Variants in DACH1 observed in about 807,000 individuals in gnomAD.
DACH1 encodes the protein dachshund homolog 1.
Under a neutral mutation model 54.2 loss-of-function variants are expected in DACH1, and 12 were observed. The ratio of observed to expected loss-of-function variants is 0.22; its 90% CI spans 0.14 to 0.36. DACH1 has a LOEUF of 0.36. Ranked by LOEUF, DACH1 falls within the 10% of genes least tolerant of loss-of-function variation. The probability of loss-of-function intolerance (pLI) is 1.00; values close to 1 mark genes in which losing one functional copy is unlikely to be tolerated. For synonymous variants in DACH1, 386 were observed against 366.2 expected (o/e 1.05, Z -0.62); for missense variants, 805 against 929.8 (o/e 0.87, Z 1.75).
intron 10 of DACH1, among the ~76,000 whole-genome samples, chr13:71,462,342 T>TTA (rs1876149225): frequency 6.6e-6 from 1 of 151,936 alleles, no homozygotes; most frequent in South Asian, 2.1e-4. Flanking sequence ...AGATAAATAA[T>TTA]TATATATAAT....
intron 2 of DACH1, among the ~76,000 whole-genome samples, chr13:71,648,161 T>C (rs978393975): frequency 6.6e-6 from 1 of 152,198 alleles, no homozygotes; most frequent in African/African-American, 2.4e-5. Context: ...TTCATTTAAT[T>C]ACTATACAAT....
intron 6 of DACH1, among the ~76,000 whole-genome samples, chr13:71,545,066 G>A (rs1883369951): frequency 6.6e-6 from 1 of 152,046 alleles, no homozygotes; most frequent in Non-Finnish European, 1.5e-5. Context: ...CACGTATACA[G>A]TGCTCCATAC....
At chr13:71,745,264 CA>C (rs1473352233) in intron 1 of DACH1, among the ~76,000 whole-genome samples, 1 of 152,140 alleles carries the variant, frequency 6.6e-6, no homozygotes, top group African/African-American at 2.4e-5. Context: ...AGTTCTACTA[CA>C]GGTTCATTAT....
chr13:71,443,605 C>A (rs1241728902), intron 10 of DACH1, among the ~76,000 whole-genome samples: 1 of 152,196 alleles, frequency 6.6e-6, no homozygotes, highest in African/African-American at 2.4e-5. Context: ...TAAGATTAAT[C>A]AGTGAAAACA....
At chr13:71,622,000 T>A (rs948075126) in intron 3 of DACH1, among the ~76,000 whole-genome samples, 9 of 152,054 alleles carry the variant, frequency 5.9e-5, no homozygotes, top group African/African-American at 1.9e-4. Flanking sequence ...ATCTTCCAAA[T>A]TATCTGGGTT....
chr13:71,697,381 T>C (rs1418144945), intron 1 of DACH1, among the ~76,000 whole-genome samples: 1 of 152,198 alleles, frequency 6.6e-6, no homozygotes, highest in Non-Finnish European at 1.5e-5. Context: ...GTGTTGTGTA[T>C]GGCGCCAACT....
intron 1 of DACH1, among the ~76,000 whole-genome samples, chr13:71,814,223 G>T (rs1366539779): frequency 2.6e-5 from 4 of 152,120 alleles, no homozygotes; most frequent in African/African-American, 4.8e-5. Flanking sequence ...AAACTTTCTG[G>T]TTGCTGCCAC....
intron 4 of DACH1, among the ~76,000 whole-genome samples, chr13:71,570,962 G>A (rs921631839): frequency 1.3e-5 from 2 of 152,076 alleles, no homozygotes; most frequent in Admixed American, 6.5e-5. Flanking sequence ...AATAAATCAA[G>A]TATCCTGATA....
intron 3 of DACH1, among the ~76,000 whole-genome samples, chr13:71,590,760 C>T (rs1171470016): frequency 6.6e-6 from 1 of 151,092 alleles, no homozygotes; most frequent in African/African-American, 2.4e-5. Flanking sequence ...TTGAAAATAA[C>T]TTTTAGTTCA....
intron 6 of DACH1, among the ~76,000 whole-genome samples, chr13:71,554,388 A>G (rs1437355867): frequency 6.6e-6 from 1 of 152,170 alleles, no homozygotes; most frequent in Non-Finnish European, 1.5e-5. Context: ...TCATTATAAA[A>G]TATATGTCAA....
At chr13:71,769,455 C>A (rs1359437345) in intron 1 of DACH1, among the ~76,000 whole-genome samples, 1 of 151,686 alleles carries the variant, frequency 6.6e-6, no homozygotes. Context: ...CCAGGTTCTG[C>A]TCCTAGAGTG....
chr13:71,592,668 A>G (rs926263776), intron 3 of DACH1, among the ~76,000 whole-genome samples: 1 of 152,092 alleles, frequency 6.6e-6, no homozygotes, highest in Non-Finnish European at 1.5e-5. Context: ...AATAGCTAAT[A>G]CAGTATGAGC....
At chr13:71,713,226 GGCT>G (rs1252448606) in intron 1 of DACH1, among the ~76,000 whole-genome samples, 1 of 151,810 alleles carries the variant, frequency 6.6e-6, no homozygotes, top group East Asian at 1.9e-4. Context: ...TCAACCCAAG[GGCT>G]GCTAAAGCAA....
At chr13:71,832,533 CA>C (rs1304400758) in intron 1 of DACH1, among the ~76,000 whole-genome samples, 1 of 151,774 alleles carries the variant, frequency 6.6e-6, no homozygotes, top group African/African-American at 2.4e-5. Flanking sequence ...CCATTCTTGT[CA>C]AAAAATGGCT....
intron 6 of DACH1, among the ~76,000 whole-genome samples, chr13:71,548,915 A>C (rs976671606): frequency 4.6e-5 from 7 of 151,958 alleles, no homozygotes; most frequent in Non-Finnish European, 8.8e-5. Flanking sequence ...AGACTCTGTC[A>C]CCAAAAAGAA....
intron 3 of DACH1, among the ~76,000 whole-genome samples, chr13:71,595,490 A>G (rs1874031283): frequency 6.6e-6 from 1 of 152,128 alleles, no homozygotes; most frequent in Non-Finnish European, 1.5e-5. Context: ...CCAGCAGGTG[A>G]TAATGGAGAA....
chr13:71,821,858 C>T (rs1204695674), intron 1 of DACH1, among the ~76,000 whole-genome samples: 1 of 151,974 alleles, frequency 6.6e-6, no homozygotes, highest in African/African-American at 2.4e-5. Flanking sequence ...GTCAAAAGAT[C>T]GAGACCATCC....
At chr13:71,590,456 T>A (rs998997455) in intron 3 of DACH1, among the ~76,000 whole-genome samples, 3 of 152,216 alleles carry the variant, frequency 2.0e-5, no homozygotes, top group Non-Finnish European at 2.9e-5. Context: ...TAAAATTTGA[T>A]GGATAAATAC....
intron 3 of DACH1, among the ~76,000 whole-genome samples, chr13:71,606,920 G>A (rs376883900): frequency 6.6e-6 from 1 of 152,006 alleles, no homozygotes; most frequent in Non-Finnish European, 1.5e-5. Flanking sequence ...CCTACCTTTA[G>A]TTTGAGCATT....
Sources: allele counts gnomAD v4.1 joint callset (sites outside exome capture counted in the v4.1 genomes callset), GRCh38; gene constraint gnomAD v4.1.1; transcripts MANE v1.5; gene names NCBI Gene and HGNC (gene_info 2026-07-23, HGNC 2026-07-21).